The following COL14A1 variants were observed in gnomAD, a reference collection of about 807,000 sequenced individuals.
COL14A1 encodes collagen alpha-1(XIV) chain.
Under a neutral mutation model 230.3 loss-of-function variants are expected in COL14A1, and 136 were observed. That is an observed-to-expected ratio of 0.59 (90% CI 0.51 to 0.68). COL14A1 has a LOEUF of 0.68. Ranked by LOEUF, COL14A1 falls within the 30% of genes least tolerant of loss-of-function variation. COL14A1 has a pLI of 0.00. For synonymous variants in COL14A1, 792 were observed against 784.1 expected, an observed-to-expected ratio of 1.01 and a Z score of -0.17; for missense variants, 1,976 against 2,215.8, an observed-to-expected ratio of 0.89 and a Z score of 2.17.
chr8:120,362,768 G>T (rs1823263663), intron 45 of COL14A1, among the ~76,000 whole-genome samples: 1 of 152,140 alleles, frequency 6.6e-6, no homozygotes, highest in African/African-American at 2.4e-5. Context: ...TGCTCTAAAA[G>T]ATAGTCATTA....
At chr8:120,179,801 A>G (rs751296008) in intron 5 of COL14A1, among the ~76,000 whole-genome samples, 1 of 152,200 alleles carries the variant, frequency 6.6e-6, no homozygotes, top group Non-Finnish European at 1.5e-5. Context: ...TTCAAACTAT[A>G]CTACAAGTCT....
chr8:120,279,704 GTCT>G (rs1488230473), intron 28 of COL14A1, among the ~76,000 whole-genome samples: 1 of 152,120 alleles, frequency 6.6e-6, no homozygotes, highest in Non-Finnish European at 1.5e-5. Flanking sequence ...TGGGGCCTTG[GTCT>G]TCTTGGGTTT....
At chr8:120,206,373 CAG>C (rs1817432728) in intron 9 of COL14A1, among the ~76,000 whole-genome samples, 1 of 152,154 alleles carries the variant, frequency 6.6e-6, no homozygotes, top group South Asian at 2.1e-4. Context: ...TTTTTGGAGG[CAG>C]AGTGTTGCTC....
At chr8:120,256,830 A>G (rs1402969147) in intron 23 of COL14A1, among the ~76,000 whole-genome samples, 1 of 152,194 alleles carries the variant, frequency 6.6e-6, no homozygotes, top group East Asian at 1.9e-4. Context: ...TCACCCTCCC[A>G]AACTATCCCA....
chr8:120,194,777 C>G (rs772145144), intron 5 of COL14A1, among the ~76,000 whole-genome samples: 1 of 152,156 alleles, frequency 6.6e-6, no homozygotes, highest in Non-Finnish European at 1.5e-5. Flanking sequence ...AGAAAGAAAA[C>G]TACTCTCCAT....
At chr8:120,259,522 G>A (rs1819262001) in intron 23 of COL14A1, among the ~76,000 whole-genome samples, 1 of 152,136 alleles carries the variant, frequency 6.6e-6, no homozygotes, top group Admixed American at 6.6e-5. Context: ...AATTGCACAT[G>A]CCAAAAGCAA....
intron 5 of COL14A1, among the ~76,000 whole-genome samples, chr8:120,175,908 A>G (rs1030763024): frequency 2.6e-5 from 4 of 152,190 alleles, no homozygotes; most frequent in Non-Finnish European, 5.9e-5. Flanking sequence ...AAATACATAT[A>G]TACACATACC....
chr8:120,206,223 T>C (rs1817425519), intron 9 of COL14A1, among the ~76,000 whole-genome samples: 2 of 152,218 alleles, frequency 1.3e-5, no homozygotes, highest in African/African-American at 4.8e-5. Flanking sequence ...TCACTGTGCA[T>C]TGATTTTCTC....
chr8:120,194,532 A>G (rs1027941976), intron 5 of COL14A1, among the ~76,000 whole-genome samples: 5 of 152,270 alleles, frequency 3.3e-5, no homozygotes, highest in Non-Finnish European at 7.4e-5. Context: ...ATTTATAGTC[A>G]ATTAGTTCTA....
chr8:120,233,028 T>C (rs1468961471), intron 19 of COL14A1, among the ~76,000 whole-genome samples: 1 of 152,164 alleles, frequency 6.6e-6, no homozygotes, highest in Non-Finnish European at 1.5e-5. Flanking sequence ...GATGATGAGC[T>C]TTTTTTCATA....
At position 120,240,329 on chromosome 8, in the gene COL14A1, G is replaced by A. The variant is rs147274252; in HGVS notation, c.2350-3550G>A. Among the ~76,000 whole-genome samples the A allele has an allele frequency of 1.9e-3, 294 of 152,162 alleles. 1 individual carries two copies. The highest frequency in any genetic ancestry group is 6.8e-3 in the African/African-American group (284 of 41,512). ...TGCCCTCTCAGGGACTCACCTGAGG[G>A]TTCTTTGAAAATTTGTATCAGTGTT... On this transcript the variant is annotated intron_variant, in intron 19 of 47. Transcript: ENST00000297848.
At chr8:120,328,990 A>G (rs1398089067) in intron 40 of COL14A1, among the ~76,000 whole-genome samples, 1 of 152,014 alleles carries the variant, frequency 6.6e-6, no homozygotes, top group African/African-American at 2.4e-5. Context: ...GTGCATGTTC[A>G]CTCCCTATCC....
At chr8:120,316,142 G>A in intron 40 of COL14A1, 145 bp downstream of exon 40, 1 of 678,874 alleles carries the variant, frequency 1.5e-6, no homozygotes, top group Non-Finnish European at 2.5e-6. Context: ...CACCTATCCT[G>A]CACTATTTCC....
chr8:120,226,533 C>A, intron 15 of COL14A1, 94 bp from the exon 16 acceptor site: 3 of 1,330,416 alleles, frequency 2.3e-6, no homozygotes, highest in Non-Finnish European at 3.1e-6. Context: ...GCAAAAGATT[C>A]CTCAAAGAGT....
chr8:120,256,040 G>C (rs1022640656), intron 23 of COL14A1, among the ~76,000 whole-genome samples: 9 of 152,066 alleles, frequency 5.9e-5, no homozygotes, highest in African/African-American at 2.2e-4. Flanking sequence ...CATCAGCATG[G>C]ACACTATGCA....
chr8:120,278,034 G>A, intron 26 of COL14A1, 77 bp from the exon 27 acceptor site: 2 of 1,275,388 alleles, frequency 1.6e-6, no homozygotes, highest in East Asian at 2.6e-5. Flanking sequence ...TAAAACTACA[G>A]GTGACACTGT....
At chr8:120,160,406 C>CTAAG (rs1343927714) in intron 3 of COL14A1, among the ~76,000 whole-genome samples, 9 of 152,022 alleles carry the variant, frequency 5.9e-5, no homozygotes, top group African/African-American at 2.2e-4. Flanking sequence ...TTAAGTACCC[C>CTAAG]CAAGCAAGTG....
At chr8:120,266,741 C>A (rs902946066) in intron 24 of COL14A1, 86 bp from the exon 25 acceptor site, 1 of 1,067,804 alleles carries the variant, frequency 9.4e-7, no homozygotes, top group Non-Finnish European at 1.4e-6. Flanking sequence ...TCATTGACTA[C>A]CCTGAATATT....
chr8:120,340,918 A>AAACTG (rs1268479199), intron 42 of COL14A1, among the ~76,000 whole-genome samples: 1 of 152,216 alleles, frequency 6.6e-6, no homozygotes, highest in Non-Finnish European at 1.5e-5. Context: ...ATTCCTTTAA[A>AAACTG]AACTGAAACA....
Sources: allele counts gnomAD v4.1 joint callset (sites outside exome capture counted in the v4.1 genomes callset), GRCh38; gene constraint gnomAD v4.1.1; transcripts MANE v1.5; gene names NCBI Gene and HGNC (gene_info 2026-07-23, HGNC 2026-07-21).